The following NDUFAF6 variants were observed in gnomAD, a reference collection of about 807,000 sequenced individuals.
NDUFAF6 encodes the protein NADH:ubiquinone oxidoreductase complex assembly factor 6.
Under a neutral mutation model 40.8 loss-of-function variants are expected in NDUFAF6, and 45 were observed. The observed-to-expected ratio is 1.10, with a 90% CI of 0.87 to 1.42. The LOEUF (loss-of-function observed/expected upper bound fraction) is 1.42. NDUFAF6 is among the 40% of genes most tolerant of loss of function. The pLI is 0.00. For missense variants in NDUFAF6, 435 were observed against 418.5 expected, an observed-to-expected ratio of 1.04 and a Z score of -0.34; for synonymous variants, 185 against 155.9, an observed-to-expected ratio of 1.19 and a Z score of -1.39.
At chr8:95,066,010 T>A (rs1242015936) in intron 9 of NDUFAF6, among the ~76,000 whole-genome samples, 3 of 152,244 alleles carry the variant, frequency 2.0e-5, no homozygotes, top group Admixed American at 6.5e-5. Context: ...AGGTGTGAAG[T>A]ATGCATCCAC....
At chr8:95,072,453 G>C (rs532827338) in intron 9 of NDUFAF6, among the ~76,000 whole-genome samples, 1 of 152,366 alleles carries the variant, frequency 6.6e-6, no homozygotes, top group South Asian at 2.1e-4. Context: ...TCAAACCAAA[G>C]CAGTGACTGA....
At chr8:95,086,805 G>A (rs1331073336) in intron 2 of NDUFAF6, among the ~76,000 whole-genome samples, 1 of 151,812 alleles carries the variant, frequency 6.6e-6, no homozygotes, top group Non-Finnish European at 1.5e-5. Flanking sequence ...GGGTTTCACC[G>A]TGTTAGCCAG....
chr8:95,102,547 A>T (rs1415866408), intron 2 of NDUFAF6, among the ~76,000 whole-genome samples: 1 of 152,208 alleles, frequency 6.6e-6, no homozygotes, highest in Non-Finnish European at 1.5e-5. Flanking sequence ...AGTTGCTGTT[A>T]TGCAGTGTCA....
chr8:95,035,657 G>A, intron 3 of NDUFAF6, 81 bp downstream of exon 3: 2 of 1,285,216 alleles, frequency 1.6e-6, no homozygotes, highest in Non-Finnish European at 2.2e-6. Flanking sequence ...TTGGGTACTG[G>A]TGATTATAGT....
intron 1 of NDUFAF6, among the ~76,000 whole-genome samples, chr8:94,900,737 T>C (rs1817962818): frequency 6.6e-6 from 1 of 152,034 alleles, no homozygotes; most frequent in African/African-American, 2.4e-5. Context: ...TTGAGTTCTG[T>C]TGGACTGGGG....
chr8:94,925,518 G>A (rs1387591433), intron 1 of NDUFAF6, among the ~76,000 whole-genome samples: 1 of 150,720 alleles, frequency 6.6e-6, no homozygotes, highest in Non-Finnish European at 1.5e-5. Context: ...GTTCACTTAA[G>A]TGATTCCTCA....
intron 2 of NDUFAF6, among the ~76,000 whole-genome samples, chr8:95,003,600 T>TA (rs1389399920): frequency 1.3e-5 from 2 of 152,342 alleles, no homozygotes; most frequent in East Asian, 3.9e-4. Context: ...TTCTTTCTCT[T>TA]ACCCTTCAAC....
intron 1 of NDUFAF6, among the ~76,000 whole-genome samples, chr8:94,911,917 CG>C (rs1563702621): frequency 2.0e-5 from 3 of 152,144 alleles, no homozygotes; most frequent in African/African-American, 7.2e-5. Context: ...CTCAAGAAGC[CG>C]GATGGTCTGG....
chr8:95,040,151 A>G (rs1829995369), intron 3 of NDUFAF6, among the ~76,000 whole-genome samples: 1 of 152,094 alleles, frequency 6.6e-6, no homozygotes, highest in South Asian at 2.1e-4. Context: ...TATGACATGT[A>G]TATTTTTGAA....
intron 2 of NDUFAF6, among the ~76,000 whole-genome samples, chr8:95,095,006 A>G (rs1352426487): frequency 6.6e-6 from 1 of 151,518 alleles, no homozygotes; most frequent in Non-Finnish European, 1.5e-5. Flanking sequence ...GCCTCAAACT[A>G]TCCTCCCACC....
downstream of NDUFAF6, among the ~76,000 whole-genome samples, chr8:95,060,864 G>T (rs1832554706): frequency 6.6e-6 from 1 of 152,106 alleles, no homozygotes; most frequent in Non-Finnish European, 1.5e-5. Flanking sequence ...TACTACATAA[G>T]TTCCAACTAC....
intron 9 of NDUFAF6, among the ~76,000 whole-genome samples, chr8:95,069,901 T>C (rs1239715545): frequency 6.6e-6 from 1 of 150,746 alleles, no homozygotes; most frequent in Non-Finnish European, 1.5e-5. Flanking sequence ...AAAATGTTCT[T>C]GATGTTACAT....
intron 2 of NDUFAF6, chr8:94,984,280 A>G (rs1261075715): frequency 6.6e-6 from 1 of 152,246 alleles, no homozygotes; most frequent in Non-Finnish European, 1.5e-5. Context: ...CATAGAGACC[A>G]GTGCTTAACA....
chr8:94,966,210 T>C (rs966245478), intron 1 of NDUFAF6, among the ~76,000 whole-genome samples: 5 of 152,064 alleles, frequency 3.3e-5, no homozygotes, highest in African/African-American at 1.2e-4. Flanking sequence ...GGGGAGAGCA[T>C]GCGGGGGAAA....
At position 95,088,689 on chromosome 8, in the gene NDUFAF6, TTGTGTGTG is replaced by T. The variant is rs545260109; in HGVS notation, n.214-12411_214-12404del. On this transcript the variant is annotated intron_variant and non_coding_transcript_variant, in intron 2 of 5. Coordinates refer to the NDUFAF6 transcript ENST00000523184. ...TCAGCCAAGTCACTTTTTTGGGGTTTTGTGTGTGTGTGTGTGTGTGTGTGTGTGTGTGT... is the reference window on the plus strand; with the variant it reads ...TCAGCCAAGTCACTTTTTTGGGGTTTTGTGTGTGTGTGTGTGTGTGTGTGT... Among the ~76,000 whole-genome samples the T allele has an allele frequency of 1.5e-4, 22 of 142,378 alleles. No individual in the cohort carries two copies. The East Asian group carries it at 2.2e-3, about 14-fold the overall frequency. The allele number at this position is 142,378 out of a possible 152,430, so 93.4% of individuals were successfully genotyped here.
At chr8:94,978,445 G>A (rs1379334208) in intron 1 of NDUFAF6, among the ~76,000 whole-genome samples, 1 of 152,132 alleles carries the variant, frequency 6.6e-6, no homozygotes, top group East Asian at 1.9e-4. Flanking sequence ...GCCAAGCATG[G>A]TGGCTCATGC....
intron 2 of NDUFAF6, among the ~76,000 whole-genome samples, chr8:95,000,803 A>T (rs1159311192): frequency 6.6e-6 from 1 of 151,790 alleles, no homozygotes; most frequent in Non-Finnish European, 1.5e-5. Context: ...AGGGGTGGAG[A>T]CACACATCTG....
At chr8:94,952,602 A>G (rs1396443520) in intron 2 of NDUFAF6, among the ~76,000 whole-genome samples, 1 of 152,246 alleles carries the variant, frequency 6.6e-6, no homozygotes, top group African/African-American at 2.4e-5. Context: ...AAAGCCTGGA[A>G]CAAAGAAGCA....
intron 1 of NDUFAF6, among the ~76,000 whole-genome samples, chr8:94,908,086 G>A (rs921588478): frequency 3.9e-5 from 6 of 152,182 alleles, no homozygotes; most frequent in African/African-American, 1.4e-4. Flanking sequence ...TACACATTGT[G>A]AAAGGACATT....
Sources: gnomAD v4.1 joint callset for allele counts (sites outside exome capture counted in the v4.1 genomes callset) on GRCh38, gnomAD v4.1.1 for gene constraint, MANE v1.5 for transcripts, NCBI Gene and HGNC (gene_info 2026-07-23, HGNC 2026-07-21) for gene names.